SCFD2: variants seen among roughly 807,000 people sequenced by gnomAD.
SCFD2 encodes the protein sec1 family domain containing 2, also known as sec1 family domain-containing protein 2.
Under a neutral mutation model 58.9 loss-of-function variants are expected in SCFD2, and 54 were observed. The observed-to-expected ratio is 0.92, with a 90% CI of 0.74 to 1.15. SCFD2 has a LOEUF of 1.15. SCFD2 is among the 50% of genes most tolerant of loss of function. The probability of loss-of-function intolerance (pLI) is 0.00; values close to 1 mark genes in which losing one functional copy is unlikely to be tolerated. For missense variants in SCFD2, 805 were observed against 836.6 expected (o/e 0.96, Z 0.47); for synonymous variants, 321 against 335.9 (o/e 0.96, Z 0.49).
chr4:53,180,273 T>A (rs1200432611), intron 4 of SCFD2, among the ~76,000 whole-genome samples: 2 of 152,044 alleles, frequency 1.3e-5, no homozygotes, highest in South Asian at 4.2e-4. Context: ...TCAGCAAAAG[T>A]AAAAGAACAG....
At chr4:53,039,712 C>T (rs144483614) in intron 5 of SCFD2, among the ~76,000 whole-genome samples, 6 of 152,272 alleles carry the variant, frequency 3.9e-5, no homozygotes, top group African/African-American at 1.2e-4. Context: ...ACTTTTCATA[C>T]ATTATCTTTT....
intron 5 of SCFD2, among the ~76,000 whole-genome samples, chr4:52,979,067 G>GC (rs1560500262): frequency 6.6e-6 from 1 of 150,410 alleles, no homozygotes; most frequent in Admixed American, 6.7e-5. Context: ...CCTTTTTTTG[G>GC]GGGGGGGAGT....
At chr4:52,975,963 AATT>A (rs1721250191) in intron 5 of SCFD2, among the ~76,000 whole-genome samples, 1 of 145,780 alleles carries the variant, frequency 6.9e-6, no homozygotes, top group African/African-American at 2.5e-5. Flanking sequence ...CATAGGTGGG[AATT>A]GAACAATGAG....
Position 52,907,556 on chromosome 4 carries a change from C to T in SCFD2, c.1743G>A (p.Glu581=). 6.2e-7 allele frequency: 1 copy of T among 1,613,704 alleles called. No individual in the cohort carries two copies. Among genetic ancestry groups the T allele is most frequent in the Admixed American group, 1.7e-5 (1 of 60,014 alleles). ...SYKPLLKQVV[E]EIFHPERPDS... ...CTGGCCTCTCGGGATGAAATATTTCCTCCACAACTTGCTTCAACAATGGCT... is the reference window on the plus strand; with the variant it reads ...CTGGCCTCTCGGGATGAAATATTTCTTCCACAACTTGCTTCAACAATGGCT... The change falls in exon 7 of 9, where the codon GAG becomes GAA. Residue 581 remains glutamate (E), a synonymous_variant. Transcript: ENST00000401642.
chr4:52,873,912 G>A lies in SCFD2; in HGVS notation c.*57C>T, dbSNP rs773460634. ...TTGTGGAGGAGTATTTGGAGTGGTG[G>A]CAGAAAATTGCATCGGCATTTCCAG... On this transcript the variant is annotated 3_prime_UTR_variant, in exon 9 of 9. Coordinates refer to ENST00000401642, the MANE Select transcript of SCFD2 (RefSeq NM_152540.4). The A allele has an allele frequency of 1.5e-5, 19 of 1,255,582 alleles. No homozygotes were observed. In the Admixed American group the frequency reaches 1.5e-4, roughly 10 times the overall value. The allele number at this position is 1,255,582 out of a possible 1,614,324, so 77.8% of individuals were successfully genotyped here. A position where few individuals can be genotyped will look rare whatever the true frequency, so the allele number is the denominator to read the frequency against.
intron 3 of SCFD2, among the ~76,000 whole-genome samples, chr4:53,303,483 A>G (rs1192087968): frequency 2.0e-5 from 3 of 152,182 alleles, no homozygotes; most frequent in Admixed American, 2.0e-4. Context: ...GAAAAATAGG[A>G]ATACTTTTAC....
chr4:53,018,571 T>C (rs767817141), intron 5 of SCFD2, among the ~76,000 whole-genome samples: 2 of 152,116 alleles, frequency 1.3e-5, no homozygotes, highest in Non-Finnish European at 2.9e-5. Flanking sequence ...TTATATTTAG[T>C]CAATCAATTC....
At chr4:52,916,689 T>C (rs1316313382) in intron 6 of SCFD2, among the ~76,000 whole-genome samples, 4 of 152,194 alleles carry the variant, frequency 2.6e-5, no homozygotes, top group African/African-American at 9.7e-5. Context: ...CAAATGGGTG[T>C]CAGCAATCAA....
At chr4:53,313,879 T>C (rs1732776012) in intron 2 of SCFD2, 116 bp from the exon 3 acceptor site, 1 of 825,746 alleles carries the variant, frequency 1.2e-6, no homozygotes, top group Admixed American at 2.5e-5. Flanking sequence ...TCTTTCCTAC[T>C]GATAGACTCT....
At chr4:53,326,024 T>TA (rs1471758967) in intron 2 of SCFD2, among the ~76,000 whole-genome samples, 2 of 152,234 alleles carry the variant, frequency 1.3e-5, no homozygotes, top group African/African-American at 4.8e-5. Context: ...AGACTGTCTA[T>TA]AATTACAACT....
intron 8 of SCFD2, among the ~76,000 whole-genome samples, chr4:52,884,669 C>G (rs1052141087): frequency 6.6e-6 from 1 of 152,104 alleles, no homozygotes; most frequent in Non-Finnish European, 1.5e-5. Flanking sequence ...TTTTGGGGAA[C>G]ACACTAAGGC....
intron 2 of SCFD2, among the ~76,000 whole-genome samples, chr4:53,347,396 T>C (rs1436245749): frequency 2.0e-5 from 3 of 152,102 alleles, no homozygotes; most frequent in Non-Finnish European, 4.4e-5. Flanking sequence ...AGTGAATAAA[T>C]CAGATAAATA....
At chr4:53,171,340 T>C (rs1480118099) in intron 4 of SCFD2, among the ~76,000 whole-genome samples, 2 of 152,248 alleles carry the variant, frequency 1.3e-5, no homozygotes, top group Non-Finnish European at 2.9e-5. Context: ...TATTGAACCA[T>C]GCTTGCATCC....
At chr4:53,011,746 T>C (rs1383267272) in intron 5 of SCFD2, among the ~76,000 whole-genome samples, 2 of 152,206 alleles carry the variant, frequency 1.3e-5, no homozygotes, top group African/African-American at 4.8e-5. Flanking sequence ...TGTGAAACGC[T>C]TCAAGCTTCT....
At chr4:53,265,968 C>T (rs1730973232) in intron 4 of SCFD2, among the ~76,000 whole-genome samples, 1 of 152,006 alleles carries the variant, frequency 6.6e-6, no homozygotes, top group Admixed American at 6.6e-5. Context: ...TGGTCTTGAA[C>T]TCCTGGCTTC....
chr4:53,308,859 G>A (rs562555233), intron 3 of SCFD2, among the ~76,000 whole-genome samples: 12 of 152,234 alleles, frequency 7.9e-5, no homozygotes, highest in African/African-American at 2.6e-4. Context: ...AGCCGGGAAC[G>A]ATGGCTCACG....
chr4:53,346,393 GC>G (rs1352116490), intron 2 of SCFD2, among the ~76,000 whole-genome samples: 1 of 151,232 alleles, frequency 6.6e-6, no homozygotes, highest in Non-Finnish European at 1.5e-5. Flanking sequence ...TTCTGCCTCA[GC>G]CCCCCAAGTA....
rs1730373169 is a variant in SCFD2, at chr4:53,251,395, C to T, written c.1311+22431G>A. Among the ~76,000 whole-genome samples the T allele has an allele frequency of 3.3e-5, 5 of 152,162 alleles. No homozygotes were observed. In the South Asian group the frequency reaches 1.0e-3, roughly 32 times the overall value. ...CTAACTCATTTTATGAGGCCAGCAG[C>T]ATCCTGATACCAAAGCCTGGCAGAG... On this transcript the variant is annotated intron_variant, in intron 4 of 8. Coordinates refer to ENST00000401642, the MANE Select transcript of SCFD2 (RefSeq NM_152540.4).
At position 53,157,448 on chromosome 4, in the gene SCFD2, C is replaced by G. The variant is rs150923296; in HGVS notation, c.1312-11866G>C. On this transcript the variant is annotated intron_variant, in intron 4 of 8. Coordinates refer to ENST00000401642, the MANE Select transcript of SCFD2 (RefSeq NM_152540.4). ...TAAAAAAGCCATCACAATATTCCTCCCTTTTCCCACTGTATGTCTGCATGA... is the reference window on the plus strand; with the variant it reads ...TAAAAAAGCCATCACAATATTCCTCGCTTTTCCCACTGTATGTCTGCATGA... Among the ~76,000 whole-genome samples, 96 of 152,292 alleles carry G rather than the reference C, an allele frequency of 6.3e-4. 1 individual carries two copies. Among genetic ancestry groups the G allele is most frequent in the African/African-American group, 2.2e-3 (92 of 41,578 alleles).
Sources: allele counts gnomAD v4.1 joint callset (sites outside exome capture counted in the v4.1 genomes callset), GRCh38; gene constraint gnomAD v4.1.1; transcripts MANE v1.5; gene names NCBI Gene and HGNC (gene_info 2026-07-23, HGNC 2026-07-21).